Variants in TLK2 observed in about 807,000 individuals in gnomAD.
TLK2 encodes serine/threonine-protein kinase tousled-like 2.
A neutral mutation model predicts 117.3 loss-of-function variants in TLK2; 6 were observed. The observed-to-expected ratio is 0.05, with a 90% confidence interval of 0.03 to 0.10. TLK2 has a LOEUF of 0.10. Among genes scored for constraint, TLK2 ranks in the 10% least tolerant of loss-of-function variants. TLK2 has a pLI of 1.00. For missense variants in TLK2, 299 were observed against 901.2 expected (o/e 0.33, Z 8.56); for synonymous variants, 257 against 316.7 (o/e 0.81, Z 2.00).
At chr17:62,573,422 A>G (rs768350739) in intron 12 of TLK2, 55 bp downstream of exon 12, 17 of 1,587,052 alleles carry the variant, frequency 1.1e-5, no homozygotes, top group African/African-American at 2.7e-5. Flanking sequence ...CCCAAATACA[A>G]ATGTTGATTG....
At chr17:62,540,191 G>C (rs962702316) in intron 7 of TLK2, among the ~76,000 whole-genome samples, 8 of 147,346 alleles carry the variant, frequency 5.4e-5, no homozygotes, top group African/African-American at 2.0e-4. Context: ...TCCCAGTTTG[G>C]CCTCCCAAAG....
At chr17:62,499,682 T>G (rs11869219) in intron 2 of TLK2, among the ~76,000 whole-genome samples, 76,705 of 151,344 alleles carry the variant, frequency 0.51, 21,597 homozygotes, top group East Asian at 0.81. Flanking sequence ...AAACCCTGTC[T>G]CTACTAAAAA....
chr17:62,547,722 T>A (rs1290658747), intron 7 of TLK2, among the ~76,000 whole-genome samples: 1 of 152,072 alleles, frequency 6.6e-6, no homozygotes, highest in African/African-American at 2.4e-5. Flanking sequence ...GAGTCAGAAA[T>A]AAGCATATTT....
At chr17:62,564,796 C>CT (rs2146439004) in intron 10 of TLK2, among the ~76,000 whole-genome samples, 1 of 152,084 alleles carries the variant, frequency 6.6e-6, no homozygotes, top group East Asian at 1.9e-4. Flanking sequence ...CTGTGAAGAA[C>CT]TTGTGGTTGT....
intron 11 of TLK2, among the ~76,000 whole-genome samples, chr17:62,567,360 G>A (rs2079879052): frequency 1.3e-5 from 2 of 152,208 alleles, no homozygotes; most frequent in Non-Finnish European, 1.5e-5. Flanking sequence ...AGTACAAAAT[G>A]ATGACTTTGC....
chr17:62,480,244 GT>G (rs1187436703), intron 1 of TLK2, among the ~76,000 whole-genome samples: 1 of 152,218 alleles, frequency 6.6e-6, no homozygotes, highest in Non-Finnish European at 1.5e-5. Context: ...GTTCGAAGGG[GT>G]TCTATGTAAT....
In TLK2 at chr17:62,478,965, G is replaced by GGCCCTCCTGC. The variant is rs2144248018; in HGVS notation, c.-327_-318dup. On this transcript the variant is annotated 5_prime_UTR_variant, in exon 1 of 22. Transcript: ENST00000346027. The stretch of plus-strand genomic sequence containing the variant: ...GGCCCCCACCTCCTGGCCCGGCCTG[G>GGCCCTCCTGC]GCCCTCCTGCGCCTCCCTTGGCCTT... The GGCCCTCCTGC allele has an allele frequency of 6.6e-6, 1 of 151,204 alleles. No individual in the cohort carries two copies. Among genetic ancestry groups the GGCCCTCCTGC allele is most frequent in the African/African-American group, 2.4e-5 (1 of 41,478 alleles). 9.4% of individuals were successfully genotyped at this position (151,204 alleles called of 1,614,324 possible).
chr17:62,553,027 A>G (rs1598541234), intron 8 of TLK2, among the ~76,000 whole-genome samples: 1 of 152,220 alleles, frequency 6.6e-6, no homozygotes, highest in South Asian at 2.1e-4. Flanking sequence ...TGAGGATTGT[A>G]TCTGCAAAGG....
chr17:62,553,893 AG>A (rs1287111601), intron 9 of TLK2, 138 bp downstream of exon 9: 1 of 594,374 alleles, frequency 1.7e-6, no homozygotes, highest in East Asian at 3.1e-5. Flanking sequence ...TCTTTAATTG[AG>A]GGAATCTGAG....
rs183480286 is a variant in TLK2 at position 62,605,843 on chromosome 17, A to G, written c.1860-287A>G. Among the ~76,000 whole-genome samples the G allele has an allele frequency of 2.3e-3, 352 of 151,664 alleles. 2 individuals are homozygous for G. The highest frequency in any genetic ancestry group is 7.2e-3 in the African/African-American group (298 of 41,336). On this transcript the variant is annotated intron_variant, in intron 19 of 21. Coordinates refer to ENST00000346027, the MANE Select transcript of TLK2 (RefSeq NM_006852.6). Reference sequence around the variant, plus strand: ...AACACAGTGAGACCCCACTGCTACAAATTTTTTTTAAAAACTACCCAGGCA... The same window carrying G: ...AACACAGTGAGACCCCACTGCTACAGATTTTTTTTAAAAACTACCCAGGCA...
At chr17:62,537,496 T>C (rs2077194763) in intron 7 of TLK2, among the ~76,000 whole-genome samples, 1 of 152,180 alleles carries the variant, frequency 6.6e-6, no homozygotes, top group African/African-American at 2.4e-5. Context: ...TAGGGCACTC[T>C]GGTTTCCTCC....
At chr17:62,567,489 CTG>C (rs1234442735) in intron 11 of TLK2, among the ~76,000 whole-genome samples, 1 of 152,158 alleles carries the variant, frequency 6.6e-6, no homozygotes, top group Non-Finnish European at 1.5e-5. Flanking sequence ...GGCCAGAAAT[CTG>C]TGTCTTCTCT....
chr17:62,516,765 C>T, intron 2 of TLK2: 1 of 1,545,976 alleles, frequency 6.5e-7, no homozygotes, highest in Non-Finnish European at 8.9e-7. Context: ...TAGGCATCAA[C>T]ATCTCTGCAG....
chr17:62,492,640 A>C (rs2073221072), intron 2 of TLK2, among the ~76,000 whole-genome samples: 2 of 151,928 alleles, frequency 1.3e-5, no homozygotes, highest in Admixed American at 6.6e-5. Flanking sequence ...GTACTTTAGT[A>C]GAGATGGGGT....
intron 9 of TLK2, among the ~76,000 whole-genome samples, chr17:62,556,056 A>G (rs1213948949): frequency 6.6e-6 from 1 of 152,212 alleles, no homozygotes; most frequent in Non-Finnish European, 1.5e-5. Flanking sequence ...CTGGGATTAC[A>G]GGCATGCCCC....
At chr17:62,552,662 C>CTT (rs77695614) in intron 8 of TLK2, among the ~76,000 whole-genome samples, 3 of 139,248 alleles carry the variant, frequency 2.2e-5, no homozygotes, top group African/African-American at 2.6e-5. Flanking sequence ...AACTGCACAC[C>CTT]TTTTTTTTTT....
At chr17:62,488,233 C>G (rs1732147463) in intron 2 of TLK2, among the ~76,000 whole-genome samples, 1 of 152,206 alleles carries the variant, frequency 6.6e-6, no homozygotes, top group Non-Finnish European at 1.5e-5. Context: ...CGTGCCCGGG[C>G]CAAGGAACTC....
rs1028636008 is a variant in TLK2, at chr17:62,614,421, G to A, written c.*1856G>A. 39 of 152,194 alleles carry A rather than the reference G, an allele frequency of 2.6e-4. No individual in the cohort carries two copies. The highest frequency in any genetic ancestry group is 9.2e-4 in the African/African-American group (38 of 41,426). 9.4% of individuals were successfully genotyped at this position (152,194 alleles called of 1,614,324 possible). A position where few individuals can be genotyped will look rare whatever the true frequency, so the allele number is the denominator to read the frequency against. The stretch of plus-strand genomic sequence containing the variant: ...TAGTATTCCGGCCTGTGAGTTGTCT[G>A]GGCAGGGAGGGGGAGTCAGAAAGGG... On this transcript the variant is annotated 3_prime_UTR_variant, in exon 22 of 22. Transcript: ENST00000346027.
chr17:62,602,942 T>G (rs1055956969), intron 19 of TLK2, among the ~76,000 whole-genome samples: 16 of 152,060 alleles, frequency 1.1e-4, no homozygotes, highest in African/African-American at 3.1e-4. Flanking sequence ...ACAAGCCACA[T>G]ATTGGTGTAT....
Sources: allele counts gnomAD v4.1 joint callset (sites outside exome capture counted in the v4.1 genomes callset), GRCh38; gene constraint gnomAD v4.1.1; transcripts MANE v1.5; gene names NCBI Gene and HGNC (gene_info 2026-07-23, HGNC 2026-07-21).